The following ENO1 variants were observed in gnomAD, a reference collection of about 807,000 sequenced individuals.
ENO1 encodes the protein enolase 1.
ENO1 carries 33 observed loss-of-function variants against 46.3 expected under a neutral mutation model. The ratio of observed to expected loss-of-function variants is 0.71; its 90% CI spans 0.54 to 0.95. ENO1 has a LOEUF of 0.95. ENO1 is among the 40% of genes least tolerant of loss of function. The pLI is 0.00. For synonymous variants in ENO1, 220 were observed against 216.0 expected (o/e 1.02, Z -0.16); for missense variants, 488 against 553.3 (o/e 0.88, Z 1.18).
In ENO1 at chr1:8,863,403, A is replaced by G. The variant is rs2124052829; in HGVS notation, c.1068-60T>C. The G allele has an allele frequency of 3.3e-6, 5 of 1,503,332 alleles. No homozygotes were observed. The Admixed American group carries it at 7.8e-5, about 23-fold the overall frequency. 93.1% of individuals were successfully genotyped at this position (1,503,332 alleles called of 1,614,324 possible). A position where few individuals can be genotyped will look rare whatever the true frequency, so the allele number is the denominator to read the frequency against. On this transcript the variant is annotated intron_variant, in intron 9 of 11. Transcript: ENST00000234590. ...CCATTTTCTGGTTCCATAACCCCCA[A>G]TGCCATTACCCCTCGGTGCCAGCAG...
In ENO1 at chr1:8,863,782, G is replaced by A. The variant is rs28999094; in HGVS notation, c.1067+109C>T. The A allele has an allele frequency of 8.0e-4, 986 of 1,236,938 alleles. 2 individuals are homozygous for A. In the African/African-American group the frequency reaches 0.012, roughly 15 times the overall value. The allele number at this position is 1,236,938 out of a possible 1,614,324, so 76.6% of individuals were successfully genotyped here. A position where few individuals can be genotyped will look rare whatever the true frequency, so the allele number is the denominator to read the frequency against. Reference sequence around the variant, plus strand: ...ACACAAAACCTGTTAAAATTCCAGCGAGTCCTACATTCTGGCCAGCAGGAT... The same window carrying A: ...ACACAAAACCTGTTAAAATTCCAGCAAGTCCTACATTCTGGCCAGCAGGAT... On this transcript the variant is annotated intron_variant, in intron 9 of 11. Coordinates refer to ENST00000234590, the MANE Select transcript of ENO1 (RefSeq NM_001428.5).
chr1:8,877,193 C>T (rs1253788413), intron 1 of ENO1, among the ~76,000 whole-genome samples: 4 of 152,018 alleles, frequency 2.6e-5, no homozygotes, highest in Admixed American at 2.6e-4. Flanking sequence ...ACCTCGTGAG[C>T]CACCCACCTC....
At chr1:8,876,441 C>T (rs1002824563) in intron 1 of ENO1, 2 of 152,172 alleles carry the variant, frequency 1.3e-5, no homozygotes, top group African/African-American at 2.4e-5. Context: ...AGTAACATTT[C>T]CATCACTGCA....
intron 1 of ENO1, among the ~76,000 whole-genome samples, chr1:8,875,387 G>GT: frequency 6.6e-6 from 1 of 152,206 alleles, no homozygotes; most frequent in South Asian, 2.1e-4. Flanking sequence ...AGATGAATGT[G>GT]TTGCTCGACG....
intron 2 of ENO1, among the ~76,000 whole-genome samples, chr1:8,874,259 A>G (rs532710538): frequency 5.9e-5 from 9 of 152,264 alleles, no homozygotes; most frequent in African/African-American, 1.7e-4. Flanking sequence ...TTAGGAGCCA[A>G]CTTATGTGGT....
intron 10 of ENO1, 109 bp downstream of exon 10, chr1:8,863,125 AC>A: frequency 7.2e-7 from 1 of 1,393,758 alleles, no homozygotes; most frequent in South Asian, 1.3e-5. Flanking sequence ...AAACAAGAGC[AC>A]TGACTCAGGG....
intron 2 of ENO1, chr1:8,873,790 C>CAGATGGT: frequency 1.3e-5 from 2 of 152,220 alleles, no homozygotes; most frequent in African/African-American, 4.8e-5. Flanking sequence ...GACTCAGCTC[C>CAGATGGT]GACTGGCAGT....
intron 6 of ENO1, 72 bp downstream of exon 6, chr1:8,867,042 TAGG>T (rs1642532720): frequency 6.4e-7 from 1 of 1,572,472 alleles, no homozygotes; most frequent in Admixed American, 1.7e-5. Flanking sequence ...TATCAAGGCA[TAGG>T]AGGTCTCGGG....
At chr1:8,870,988 G>A (rs1642620847) in intron 3 of ENO1, 1 of 1,243,782 alleles carries the variant, frequency 8.0e-7, no homozygotes, top group Admixed American at 3.8e-5. Context: ...AAGCAGAGGA[G>A]AGCATTTCAG....
In ENO1 at chr1:8,865,380, T is replaced by A; in HGVS notation, c.770A>T (p.Tyr257Phe). 1 of 1,614,180 alleles carries A rather than the reference T, an allele frequency of 6.2e-7. No homozygotes were observed. Among genetic ancestry groups the A allele is most frequent in the Non-Finnish European group, 8.5e-7 (1 of 1,180,034 alleles). Residue 257 changes from tyrosine to phenylalanine, a missense_variant, in exon 8 of 12, where the codon TAT (tyrosine) becomes TTT (phenylalanine). By Grantham distance (22) the Tyr-to-Phe change is conservative. Coordinates refer to ENST00000234590, the MANE Select transcript of ENO1 (RefSeq NM_001428.5). Reference sequence around the variant, plus strand: ...ATCGGGAGACTTGAAGTCCAGGTCATACTTCCCAGACCTGAAGAACTCGGA... The same window carrying A: ...ATCGGGAGACTTGAAGTCCAGGTCAAACTTCCCAGACCTGAAGAACTCGGA... ...AASEFFRSGK[Y>F]DLDFKSPDDP...
chr1:8,877,612 T>C (rs1274143949), intron 1 of ENO1: 1 of 151,900 alleles, frequency 6.6e-6, no homozygotes, highest in Non-Finnish European at 1.5e-5. Context: ...TCCCAGCACT[T>C]TGGGAGGCCG....
chr1:8,864,147 G>C, intron 8 of ENO1, 55 bp from the exon 9 acceptor site: 13 of 1,580,818 alleles, frequency 8.2e-6, no homozygotes, highest in Non-Finnish European at 1.0e-5. Flanking sequence ...GTGCTCCACC[G>C]CAATGCCCAG....
chr1:8,874,088 G>A (rs1411297506), intron 2 of ENO1: 4 of 152,122 alleles, frequency 2.6e-5, no homozygotes, highest in Non-Finnish European at 5.9e-5. Flanking sequence ...AGAGATAAAG[G>A]TGCTATATTC....
intron 8 of ENO1, 66 bp from the exon 9 acceptor site, chr1:8,864,158 CCTTGCTTCCCCCTTGA>C: frequency 6.4e-7 from 1 of 1,563,694 alleles, no homozygotes; most frequent in Non-Finnish European, 8.8e-7. Flanking sequence ...CAATGCCCAG[CCTTGCTTCCCCCTTGA>C]CTTGCTGCTC....
intron 3 of ENO1, 31 bp downstream of exon 3, chr1:8,871,860 G>C: frequency 1.9e-6 from 3 of 1,605,866 alleles, no homozygotes; most frequent in Non-Finnish European, 2.6e-6. Flanking sequence ...TGGAAGCAGG[G>C]AGGCCATGGG....
chr1:8,878,652 G>C lies in ENO1; in HGVS notation c.-82C>G, dbSNP rs1169169776. The C allele has an allele frequency of 4.4e-6, 2 of 455,992 alleles. No homozygotes were observed. Among genetic ancestry groups the C allele is most frequent in the South Asian group, 3.1e-5 (2 of 64,570 alleles). The allele number at this position is 455,992 out of a possible 1,614,324, so 28.2% of individuals were successfully genotyped here. ...AGACACCGAGGTGAACGTAAAGCCG[G>C]CGAGATCTCCGTGCTCCGGGTACCC... On this transcript the variant is annotated 5_prime_UTR_variant, in exon 1 of 12. Transcript: ENST00000234590.
intron 6 of ENO1, among the ~76,000 whole-genome samples, chr1:8,866,911 A>G (rs1309252775): frequency 5.9e-5 from 9 of 152,164 alleles, no homozygotes; most frequent in African/African-American, 1.9e-4. Flanking sequence ...TACTGCTGTC[A>G]TTTCCTCCCC....
At chr1:8,870,293 T>G in intron 4 of ENO1, 159 bp downstream of exon 4, 1 of 884,346 alleles carries the variant, frequency 1.1e-6, no homozygotes, top group Non-Finnish European at 1.7e-6. Context: ...GCGGGCAGGT[T>G]AGAATTATGT....
At chr1:8,868,527 T>C (rs1365342591) in intron 4 of ENO1, among the ~76,000 whole-genome samples, 2 of 152,148 alleles carry the variant, frequency 1.3e-5, no homozygotes, top group African/African-American at 2.4e-5. Context: ...CTTCATCCTC[T>C]GATGGGAGGC....
Sources: allele counts gnomAD v4.1 joint callset (sites outside exome capture counted in the v4.1 genomes callset), GRCh38; gene constraint gnomAD v4.1.1; transcripts MANE v1.5; gene names NCBI Gene and HGNC (gene_info 2026-07-23, HGNC 2026-07-21).